FOXO1: variants seen among roughly 807,000 people sequenced by gnomAD.
FOXO1 encodes the protein forkhead box O1.
FOXO1 carries 6 observed loss-of-function variants against 44.1 expected under a neutral mutation model. The ratio of observed to expected loss-of-function variants is 0.14; its 90% confidence interval spans 0.07 to 0.27. The LOEUF is 0.27. Among genes scored for constraint, FOXO1 ranks in the 10% least tolerant of loss-of-function variants. The probability of loss-of-function intolerance (pLI) is 1.00; values close to 1 mark genes in which losing one functional copy is unlikely to be tolerated. For missense variants in FOXO1, 737 were observed against 888.8 expected, an observed-to-expected ratio of 0.83 and a Z score of 2.17; for synonymous variants, 380 against 362.7, an observed-to-expected ratio of 1.05 and a Z score of -0.54.
chr13:40,650,986 CTCAAGTGATCTGCTGACT>C (rs1451643066), intron 1 of FOXO1, among the ~76,000 whole-genome samples: 1 of 152,222 alleles, frequency 6.6e-6, no homozygotes, highest in Non-Finnish European at 1.5e-5. Flanking sequence ...AACTCCTAAC[CTCAAGTGATCTGCTGACT>C]TCAAGTGATC....
chr13:40,616,047 G>C (rs1876412035), intron 1 of FOXO1, among the ~76,000 whole-genome samples: 2 of 152,172 alleles, frequency 1.3e-5, no homozygotes, highest in South Asian at 4.1e-4. Flanking sequence ...GCTTGAACCA[G>C]ACACGGAAGT....
intron 1 of FOXO1, among the ~76,000 whole-genome samples, chr13:40,654,873 C>T (rs1877807734): frequency 6.6e-6 from 1 of 152,128 alleles, no homozygotes; most frequent in African/African-American, 2.4e-5. Context: ...AATGATCTAC[C>T]TCCCTTCCCT....
At chr13:40,664,362 G>A (rs1878145077) in intron 1 of FOXO1, among the ~76,000 whole-genome samples, 1 of 152,136 alleles carries the variant, frequency 6.6e-6, no homozygotes, top group Non-Finnish European at 1.5e-5. Flanking sequence ...GCTTGGGGAG[G>A]CCGCGCCACG....
intron 1 of FOXO1, among the ~76,000 whole-genome samples, chr13:40,598,453 G>A (rs1225341200): frequency 3.3e-5 from 5 of 151,700 alleles, no homozygotes; most frequent in Admixed American, 6.6e-5. Flanking sequence ...AAAAACAAAC[G>A]AATGAACAAA....
intron 1 of FOXO1, chr13:40,620,454 G>C (rs1876572218): frequency 1.6e-6 from 1 of 630,818 alleles, no homozygotes; most frequent in Admixed American, 2.2e-5. Context: ...ATCATCAGTG[G>C]CTCTTCGGTC....
At position 40,666,350 on chromosome 13, in the gene FOXO1, T is replaced by G; in HGVS notation, c.-138A>C. On this transcript the variant is annotated 5_prime_UTR_variant, in exon 1 of 3. Coordinates refer to ENST00000379561, the MANE Select transcript of FOXO1 (RefSeq NM_002015.4). ...GCCGGTGCGGCGAGCGGACGGAAACTGGGAGGAAGGCGCGGCGGAGTGGAA... is the reference window on the plus strand; with the variant it reads ...GCCGGTGCGGCGAGCGGACGGAAACGGGGAGGAAGGCGCGGCGGAGTGGAA... The G allele has an allele frequency of 3.1e-6, 2 of 646,334 alleles. No individual in the cohort carries two copies. The highest frequency in any genetic ancestry group is 4.7e-6 in the Non-Finnish European group (2 of 428,326). The allele number at this position is 646,334 out of a possible 1,614,324, so 40.0% of individuals were successfully genotyped here.
chr13:40,622,384 AAAAC>A (rs1456341423), intron 1 of FOXO1, among the ~76,000 whole-genome samples: 9 of 152,364 alleles, frequency 5.9e-5, no homozygotes, highest in African/African-American at 1.2e-4. Flanking sequence ...AATAAACATT[AAAAC>A]AAACAAACCA....
At chr13:40,569,461 C>T (rs73463275) in intron 1 of FOXO1, among the ~76,000 whole-genome samples, 114 of 152,324 alleles carry the variant, frequency 7.5e-4, no homozygotes, top group African/African-American at 2.6e-3. Flanking sequence ...TGAAAGAATA[C>T]ATAAACAACA....
At chr13:40,578,357 C>A (rs1328316993) in intron 1 of FOXO1, among the ~76,000 whole-genome samples, 1 of 152,172 alleles carries the variant, frequency 6.6e-6, no homozygotes, top group Non-Finnish European at 1.5e-5. Flanking sequence ...AGATTGAGAA[C>A]TTTTGTGCAT....
At chr13:40,588,970 T>G (rs1219789170) in intron 1 of FOXO1, among the ~76,000 whole-genome samples, 1 of 152,084 alleles carries the variant, frequency 6.6e-6, no homozygotes, top group Non-Finnish European at 1.5e-5. Context: ...CCAGGCATAG[T>G]GGTGCATGCC....
chr13:40,665,173 C>A (rs1338175230), intron 1 of FOXO1, among the ~76,000 whole-genome samples: 2 of 151,876 alleles, frequency 1.3e-5, no homozygotes, highest in Non-Finnish European at 2.9e-5. Context: ...AGCTCCGCGG[C>A]GCGGCCGGAG....
intron 1 of FOXO1, among the ~76,000 whole-genome samples, chr13:40,654,455 G>A (rs1230715883): frequency 6.7e-6 from 1 of 148,836 alleles, no homozygotes; most frequent in Non-Finnish European, 1.5e-5. Flanking sequence ...GAACCGAGAT[G>A]GTGTCACTGC....
At chr13:40,612,504 C>T (rs1436903392) in intron 1 of FOXO1, among the ~76,000 whole-genome samples, 2 of 152,148 alleles carry the variant, frequency 1.3e-5, no homozygotes, top group Non-Finnish European at 2.9e-5. Flanking sequence ...CACACACGTG[C>T]GTTCGCAAGC....
chr13:40,566,805 T>TA (rs748417715), intron 1 of FOXO1, among the ~76,000 whole-genome samples: 6 of 152,242 alleles, frequency 3.9e-5, no homozygotes, highest in Non-Finnish European at 7.3e-5. Flanking sequence ...ATTTTTTTAA[T>TA]AAAAACCATT....
intron 1 of FOXO1, among the ~76,000 whole-genome samples, chr13:40,661,008 A>G (rs1041327975): frequency 2.6e-5 from 4 of 152,232 alleles, no homozygotes; most frequent in Non-Finnish European, 5.9e-5. Context: ...ATCATTCAAA[A>G]AGAGGCCACT....
intron 1 of FOXO1, among the ~76,000 whole-genome samples, chr13:40,602,308 A>G (rs1323928725): frequency 6.6e-6 from 1 of 152,238 alleles, no homozygotes; most frequent in East Asian, 1.9e-4. Flanking sequence ...GCAAGAAACT[A>G]AGCCGGCTAT....
chr13:40,580,772 C>A (rs1278595651), intron 1 of FOXO1, among the ~76,000 whole-genome samples: 6 of 152,144 alleles, frequency 3.9e-5, no homozygotes, highest in African/African-American at 1.2e-4. Flanking sequence ...TACGCAATCA[C>A]TATTAGCAGT....
At chr13:40,651,297 A>G (rs1175270931) in intron 1 of FOXO1, among the ~76,000 whole-genome samples, 1 of 152,136 alleles carries the variant, frequency 6.6e-6, no homozygotes, top group Non-Finnish European at 1.5e-5. Context: ...CAGAACACTG[A>G]AAGTATCAAA....
chr13:40,639,634 T>TCGG (rs1312440498), intron 1 of FOXO1, among the ~76,000 whole-genome samples: 1 of 152,028 alleles, frequency 6.6e-6, no homozygotes, highest in Admixed American at 6.6e-5. Flanking sequence ...TTATGGGAGG[T>TCGG]CGGTCCTGTG....
Sources: gnomAD v4.1 joint callset for allele counts (sites outside exome capture counted in the v4.1 genomes callset) on GRCh38, gnomAD v4.1.1 for gene constraint, MANE v1.5 for transcripts, NCBI Gene and HGNC (gene_info 2026-07-23, HGNC 2026-07-21) for gene names.